Variants in KLF8 observed in about 807,000 individuals in gnomAD.
KLF8 encodes the protein KLF transcription factor 8, also known as Krueppel-like factor 8.
KLF8 carries 10 observed loss-of-function variants against 18.2 expected under a neutral mutation model. That is an observed-to-expected ratio of 0.55 (90% confidence interval 0.34 to 0.93). The LOEUF is 0.93. KLF8 is among the 40% of genes least tolerant of loss of function. The probability of loss-of-function intolerance (pLI) is 0.02; values close to 1 mark genes in which losing one functional copy is unlikely to be tolerated. For synonymous variants in KLF8, 109 were observed against 97.3 expected (o/e 1.12, Z -0.71); for missense variants, 264 against 277.9 (o/e 0.95, Z 0.36).
the KLF8 span, among the ~76,000 whole-genome samples, chrX:56,069,359 G>A: frequency 3.6e-5 from 4 of 111,577 alleles, no homozygotes; most frequent in East Asian, 1.1e-3. Flanking sequence ...CTCGGTTAGA[G>A]GGTGCAGCTT....
chrX:56,200,953 A>T, the KLF8 span, among the ~76,000 whole-genome samples: 1 of 111,957 alleles, frequency 8.9e-6, no homozygotes, highest in Non-Finnish European at 1.9e-5. Context: ...ATTACTTTTT[A>T]AAAAATAAAA....
the KLF8 span, among the ~76,000 whole-genome samples, chrX:56,216,939 T>C: frequency 9.0e-6 from 1 of 111,405 alleles, no homozygotes; most frequent in African/African-American, 3.3e-5. Context: ...CAACCTCAGG[T>C]AAGCCTTCCT....
At chrX:55,946,853 A>C in the KLF8 span, among the ~76,000 whole-genome samples, 4 of 111,954 alleles carry the variant, frequency 3.6e-5, no homozygotes, top group Admixed American at 1.9e-4. Flanking sequence ...TCTGAAAAGA[A>C]GACATTTATG....
the KLF8 span, among the ~76,000 whole-genome samples, chrX:56,182,723 G>A: frequency 1.1e-3 from 123 of 112,761 alleles, no homozygotes; most frequent in Non-Finnish European, 1.8e-3. Flanking sequence ...GTTGGAGTTT[G>A]TAGGAGGTCC....
At chrX:56,096,158 C>CTGGA in the KLF8 span, among the ~76,000 whole-genome samples, 8,473 of 110,963 alleles carry the variant, frequency 0.076, 802 homozygotes, top group African/African-American at 0.27. Context: ...ATGGATGGAA[C>CTGGA]TGGAGGCCAT....
chrX:56,173,764 T>C, the KLF8 span, among the ~76,000 whole-genome samples: 4 of 111,896 alleles, frequency 3.6e-5, no homozygotes, highest in Admixed American at 3.8e-4. Context: ...TTGTATCCTC[T>C]TTTATTTCAT....
chrX:56,008,137 T>TATATATATACAC, the KLF8 span, among the ~76,000 whole-genome samples: 3 of 106,449 alleles, frequency 2.8e-5, no homozygotes, highest in African/African-American at 1.1e-4. Flanking sequence ...TATATATATA[T>TATATATATACAC]ACACACACAA....
At chrX:56,123,921 A>AG in the KLF8 span, among the ~76,000 whole-genome samples, 1 of 111,909 alleles carries the variant, frequency 8.9e-6, no homozygotes, top group African/African-American at 3.2e-5. Flanking sequence ...AAGTGAGGAG[A>AG]CTGAGGCCAG....
chrX:56,267,259 G>A (rs1446179532), intron 3 of KLF8: 1 of 691,412 alleles, frequency 1.4e-6, no homozygotes, highest in African/African-American at 2.4e-5. Flanking sequence ...TGCTGATAAA[G>A]ACATACTCGA....
At chrX:56,250,167 T>C in intron 1 of KLF8, 64 bp from the exon 2 acceptor site, 1 of 768,310 alleles carries the variant, frequency 1.3e-6, no homozygotes, top group Non-Finnish European at 2.0e-6. Flanking sequence ...ATTAATGGCA[T>C]ATTTATGCAT....
At chrX:55,945,088 A>G in the KLF8 span, among the ~76,000 whole-genome samples, 1 of 110,495 alleles carries the variant, frequency 9.1e-6, no homozygotes, top group Non-Finnish European at 1.9e-5. Flanking sequence ...TTCGTTATGT[A>G]CCCAGTAGTC....
the KLF8 span, among the ~76,000 whole-genome samples, chrX:56,063,999 A>G: frequency 9.2e-6 from 1 of 108,660 alleles, no homozygotes; most frequent in Non-Finnish European, 1.9e-5. Flanking sequence ...CAATATATAT[A>G]TACACACACA....
the KLF8 span, among the ~76,000 whole-genome samples, chrX:56,054,701 C>T: frequency 1.8e-5 from 2 of 111,719 alleles, no homozygotes; most frequent in Non-Finnish European, 3.8e-5. Context: ...AAGTCTCCCA[C>T]TCTCACTGTG....
chrX:56,175,574 T>C, the KLF8 span, among the ~76,000 whole-genome samples: 5 of 111,845 alleles, frequency 4.5e-5, no homozygotes, highest in Admixed American at 2.9e-4. Flanking sequence ...ATATATTCTG[T>C]TGATTTTGGG....
chrX:56,221,664 T>A, the KLF8 span, among the ~76,000 whole-genome samples: 2 of 111,277 alleles, frequency 1.8e-5, no homozygotes, highest in South Asian at 7.9e-4. Context: ...GTGACACATC[T>A]GGAGTTGTTC....
the KLF8 span, among the ~76,000 whole-genome samples, chrX:56,049,680 T>C: frequency 3.8e-5 from 4 of 106,239 alleles, no homozygotes; most frequent in Non-Finnish European, 7.7e-5. Flanking sequence ...AGTATTTTAT[T>C]GAGGATTTTT....
At chrX:56,043,251 T>TG in the KLF8 span, among the ~76,000 whole-genome samples, 21 of 110,647 alleles carry the variant, frequency 1.9e-4, no homozygotes. Flanking sequence ...AAAATTTTTT[T>TG]TTTTCATTAT....
At chrX:55,930,057 C>T in the KLF8 span, among the ~76,000 whole-genome samples, 23,992 of 110,138 alleles carry the variant, frequency 0.22, 5,424 homozygotes, top group African/African-American at 0.69. Flanking sequence ...TTTTATTTTG[C>T]TGAGCAGTGG....
chrX:56,106,327 A>T, the KLF8 span, among the ~76,000 whole-genome samples: 1 of 111,686 alleles, frequency 9.0e-6, no homozygotes, highest in Non-Finnish European at 1.9e-5. Context: ...TCTTAGTTCC[A>T]TTCTCCCCAT....
Sources: gnomAD v4.1 joint callset for allele counts (sites outside exome capture counted in the v4.1 genomes callset) on GRCh38, gnomAD v4.1.1 for gene constraint, MANE v1.5 for transcripts, NCBI Gene and HGNC (gene_info 2026-07-23, HGNC 2026-07-21) for gene names.